Variants in CNOT4 observed in about 807,000 individuals in gnomAD.
CNOT4 encodes the protein CCR4-associated factor 4.
In CNOT4, 8 loss-of-function variants were observed where a neutral mutation model predicts 73.8. The ratio of observed to expected loss-of-function variants is 0.11; its 90% CI spans 0.06 to 0.20. The LOEUF (loss-of-function observed/expected upper bound fraction) is 0.20, where lower values mean the gene tolerates loss of function less well. Ranked by LOEUF, CNOT4 falls within the 10% of genes least tolerant of loss-of-function variation. CNOT4 has a pLI of 1.00. For synonymous variants in CNOT4, 293 were observed against 321.1 expected, an observed-to-expected ratio of 0.91 and a Z score of 0.94; for missense variants, 564 against 883.4, an observed-to-expected ratio of 0.64 and a Z score of 4.58.
intron 1 of CNOT4, among the ~76,000 whole-genome samples, chr7:135,457,339 A>T (rs1001982322): frequency 1.3e-5 from 2 of 151,902 alleles, no homozygotes; most frequent in Admixed American, 6.6e-5. Context: ...GGAAGGAAGA[A>T]ATGTTATTTG....
In CNOT4 at chr7:135,369,840, A is replaced by G. The variant is rs1026927729; in HGVS notation, c.1628-5774T>C. 3.3e-4 allele frequency among the ~76,000 whole-genome samples: 50 copies of G among 152,166 alleles called. 1 individual carries two copies. Among genetic ancestry groups the G allele is most frequent in the African/African-American group, 1.2e-3 (50 of 41,432 alleles). On this transcript the variant is annotated intron_variant, in intron 10 of 11. Transcript: ENST00000541284. ...TTTGAACAAAGTCTAAACTTCCTCAAACCTCAACAATGAATCTCTAAGTGA... is the reference window on the plus strand; with the variant it reads ...TTTGAACAAAGTCTAAACTTCCTCAGACCTCAACAATGAATCTCTAAGTGA...
intron 2 of CNOT4, among the ~76,000 whole-genome samples, chr7:135,437,833 A>G (rs1158631296): frequency 1.3e-5 from 2 of 152,150 alleles, no homozygotes; most frequent in Non-Finnish European, 1.5e-5. Context: ...ATCCAAATCC[A>G]TTACCTCTCT....
intron 1 of CNOT4, among the ~76,000 whole-genome samples, chr7:135,501,867 C>G (rs1055047077): frequency 6.6e-6 from 1 of 152,188 alleles, no homozygotes; most frequent in African/African-American, 2.4e-5. Context: ...AATGTCTCCT[C>G]CACAACGCAT....
chr7:135,472,203 C>T (rs528156639), intron 1 of CNOT4, among the ~76,000 whole-genome samples: 20 of 150,340 alleles, frequency 1.3e-4, no homozygotes, highest in African/African-American at 4.2e-4. Flanking sequence ...ACAGGCTGGG[C>T]GTGGTGGCTC....
At chr7:135,391,575 A>AC (rs1796404440) in intron 10 of CNOT4, among the ~76,000 whole-genome samples, 13 of 152,232 alleles carry the variant, frequency 8.5e-5, no homozygotes, top group African/African-American at 2.9e-4. Flanking sequence ...AGTATATGGT[A>AC]AAAGTTTTAA....
chr7:135,472,468 C>T (rs1179542929), intron 1 of CNOT4, among the ~76,000 whole-genome samples: 1 of 81,022 alleles, frequency 1.2e-5, no homozygotes, highest in African/African-American at 5.3e-5. Context: ...CAGAGCGAGA[C>T]ACCGACTCAA....
chr7:135,478,488 T>G (rs1268443307), intron 1 of CNOT4, among the ~76,000 whole-genome samples: 1 of 152,146 alleles, frequency 6.6e-6, no homozygotes, highest in Admixed American at 6.6e-5. Context: ...AGATCACTTG[T>G]GTTCAGGAGT....
chr7:135,382,851 T>G (rs1328867461), intron 10 of CNOT4, among the ~76,000 whole-genome samples: 3 of 152,188 alleles, frequency 2.0e-5, no homozygotes, highest in Non-Finnish European at 4.4e-5. Flanking sequence ...TATCGAGGAC[T>G]TGAGAATCCA....
At chr7:135,376,089 A>T (rs1585551274) in intron 10 of CNOT4, among the ~76,000 whole-genome samples, 1 of 151,962 alleles carries the variant, frequency 6.6e-6, no homozygotes, top group Non-Finnish European at 1.5e-5. Flanking sequence ...TAGGGGGGAA[A>T]ATCTTAACAA....
At chr7:135,420,388 G>A (rs1563039019) in intron 3 of CNOT4, among the ~76,000 whole-genome samples, 1 of 151,782 alleles carries the variant, frequency 6.6e-6, no homozygotes, top group Non-Finnish European at 1.5e-5. Context: ...ACCAGCCTGG[G>A]CAATGTGGCA....
chr7:135,495,526 AAT>A (rs1298127352), intron 1 of CNOT4, among the ~76,000 whole-genome samples: 2 of 148,044 alleles, frequency 1.4e-5, no homozygotes, highest in African/African-American at 5.0e-5. Context: ...AAAAAAAAAA[AAT>A]AGCTGAATGT....
intron 10 of CNOT4, among the ~76,000 whole-genome samples, chr7:135,379,870 C>T (rs1795741140): frequency 6.6e-6 from 1 of 152,188 alleles, no homozygotes. Context: ...GAACACCCCA[C>T]TAAAGTTCTA....
At chr7:135,459,809 A>G (rs1800762731) in intron 1 of CNOT4, among the ~76,000 whole-genome samples, 1 of 152,230 alleles carries the variant, frequency 6.6e-6, no homozygotes, top group Non-Finnish European at 1.5e-5. Flanking sequence ...GAAGCCAGGC[A>G]CTGACTTCTC....
At chr7:135,394,917 T>C (rs1796595788) in intron 9 of CNOT4, among the ~76,000 whole-genome samples, 1 of 152,182 alleles carries the variant, frequency 6.6e-6, no homozygotes, top group Non-Finnish European at 1.5e-5. Flanking sequence ...CAATGTTACT[T>C]TTATGCCACC....
intron 1 of CNOT4, among the ~76,000 whole-genome samples, chr7:135,488,670 T>C (rs1248547453): frequency 6.6e-6 from 1 of 152,248 alleles, no homozygotes; most frequent in Non-Finnish European, 1.5e-5. Context: ...TTTCCTCGTA[T>C]GTAACTTTTT....
chr7:135,388,204 A>G (rs1796219055), intron 10 of CNOT4: 1 of 985,342 alleles, frequency 1.0e-6, no homozygotes, highest in Non-Finnish European at 1.2e-6. Context: ...GAAAGTGCAA[A>G]AGTGCAAAAG....
At chr7:135,372,749 G>T (rs958016056) in intron 10 of CNOT4, among the ~76,000 whole-genome samples, 1 of 152,038 alleles carries the variant, frequency 6.6e-6, no homozygotes, top group African/African-American at 2.4e-5. Context: ...TAGAGACAGG[G>T]TTTTACCATG....
chr7:135,449,952 T>C (rs550640621), intron 1 of CNOT4, among the ~76,000 whole-genome samples: 1 of 151,920 alleles, frequency 6.6e-6, no homozygotes, highest in Non-Finnish European at 1.5e-5. Flanking sequence ...AAACATGAAA[T>C]TATAAAGTAT....
chr7:135,396,073 T>G (rs1796665628), intron 8 of CNOT4, among the ~76,000 whole-genome samples, 190 bp from the exon 9 acceptor site: 1 of 149,992 alleles, frequency 6.7e-6, no homozygotes, highest in Non-Finnish European at 1.5e-5. Flanking sequence ...TTTAAAAAAA[T>G]ATTAATCTGC....
Sources: gnomAD v4.1 joint callset for allele counts (sites outside exome capture counted in the v4.1 genomes callset) on GRCh38, gnomAD v4.1.1 for gene constraint, MANE v1.5 for transcripts, NCBI Gene and HGNC (gene_info 2026-07-23, HGNC 2026-07-21) for gene names.